The following NREP variants were observed in gnomAD, a reference collection of about 807,000 sequenced individuals.
NREP encodes neuronal regeneration related protein.
Under a neutral mutation model 8.6 loss-of-function variants are expected in NREP, and 5 were observed. The ratio of observed to expected loss-of-function variants is 0.58; its 90% CI spans 0.30 to 1.22. NREP has a LOEUF of 1.22. NREP is among the 50% of genes most tolerant of loss of function. The probability of loss-of-function intolerance (pLI) is 0.07; values close to 1 mark genes in which losing one functional copy is unlikely to be tolerated. For missense variants in NREP, 86 were observed against 82.5 expected (o/e 1.04, Z -0.17); for synonymous variants, 27 against 28.0 (o/e 0.96, Z 0.11).
At chr5:111,898,008 A>G (rs1310250270) in intron 2 of NREP, among the ~76,000 whole-genome samples, 4 of 152,168 alleles carry the variant, frequency 2.6e-5, no homozygotes, top group Non-Finnish European at 5.9e-5. Context: ...AACTTCAACT[A>G]CATCTTGTAA....
intron 2 of NREP, among the ~76,000 whole-genome samples, chr5:111,797,903 G>C (rs1751909859): frequency 6.6e-6 from 1 of 152,096 alleles, no homozygotes; most frequent in Middle Eastern, 3.2e-3. Flanking sequence ...GGTAAGGGGA[G>C]AACAAAGAAA....
intron 2 of NREP, among the ~76,000 whole-genome samples, chr5:111,972,113 T>G (rs1252364762): frequency 6.6e-6 from 1 of 152,076 alleles, no homozygotes; most frequent in African/African-American, 2.4e-5. Context: ...GACATACAAA[T>G]AGCCAGCAGG....
chr5:111,936,134 C>T (rs1290930191), intron 2 of NREP, among the ~76,000 whole-genome samples: 1 of 152,036 alleles, frequency 6.6e-6, no homozygotes, highest in Non-Finnish European at 1.5e-5. Flanking sequence ...AGACATCAAT[C>T]CTATCCGATT....
intron 2 of NREP, among the ~76,000 whole-genome samples, chr5:111,877,942 C>T (rs753860699): frequency 6.6e-6 from 1 of 152,184 alleles, no homozygotes; most frequent in Non-Finnish European, 1.5e-5. Context: ...AGAGGGACAA[C>T]TGAGAGGACA....
intron 2 of NREP, among the ~76,000 whole-genome samples, chr5:111,973,252 T>A (rs1288645534): frequency 1.6e-5 from 1 of 63,644 alleles, no homozygotes; most frequent in Non-Finnish European, 3.2e-5. Flanking sequence ...ATAGCAAATT[T>A]GCTACCCCCT....
At chr5:111,733,957 A>C (rs1748860952) in intron 3 of NREP, 1 of 152,228 alleles carries the variant, frequency 6.6e-6, no homozygotes. Flanking sequence ...GAACTTCTGG[A>C]AAAAGAACAA....
chr5:111,924,802 GC>G (rs1437543231), intron 2 of NREP, among the ~76,000 whole-genome samples: 6 of 152,104 alleles, frequency 3.9e-5, no homozygotes, highest in African/African-American at 1.4e-4. Context: ...AGCAGTTATA[GC>G]CTGGCCAATT....
At chr5:111,960,149 A>C (rs2112651315) in intron 2 of NREP, among the ~76,000 whole-genome samples, 1 of 152,264 alleles carries the variant, frequency 6.6e-6, no homozygotes, top group African/African-American at 2.4e-5. Context: ...AATTATGTTG[A>C]TTCTTAACAC....
intron 2 of NREP, among the ~76,000 whole-genome samples, chr5:111,750,205 C>G (rs1340478169): frequency 1.3e-5 from 2 of 152,168 alleles, no homozygotes; most frequent in African/African-American, 4.8e-5. Context: ...CTCTTGCAAG[C>G]CTAACTCTCT....
intron 2 of NREP, among the ~76,000 whole-genome samples, chr5:111,892,718 C>A (rs968610668): frequency 1.8e-4 from 27 of 152,080 alleles, no homozygotes; most frequent in African/African-American, 6.5e-4. Context: ...AAAAGAGTGA[C>A]TTTCTCTTCT....
At chr5:111,740,523 G>A (rs1581051267) in intron 2 of NREP, among the ~76,000 whole-genome samples, 1 of 151,820 alleles carries the variant, frequency 6.6e-6, no homozygotes, top group African/African-American at 2.4e-5. Context: ...AAAAATAACT[G>A]CATTTTTAAA....
chr5:111,972,300 G>C (rs147478903), intron 2 of NREP, among the ~76,000 whole-genome samples: 2,080 of 152,210 alleles, frequency 0.014, 42 homozygotes, highest in African/African-American at 0.047. Flanking sequence ...AATGTGGTTG[G>C]TACAGTCATT....
rs551342525 is a variant in NREP, at chr5:111,885,543, G to T, written c.135+89731C>A. Among the ~76,000 whole-genome samples the T allele has an allele frequency of 3.3e-5, 5 of 152,272 alleles. No individual in the cohort carries two copies. In the South Asian group the frequency reaches 1.0e-3, roughly 32 times the overall value. On this transcript the variant is annotated intron_variant, in intron 2 of 3. Coordinates refer to the NREP transcript ENST00000395634. Reference sequence around the variant, plus strand: ...GTCCTAAGCCAAAAGAACAAAGCTGGAGGCATCACGCTACCTGACTTCAAA... The same window carrying T: ...GTCCTAAGCCAAAAGAACAAAGCTGTAGGCATCACGCTACCTGACTTCAAA...
intron 2 of NREP, among the ~76,000 whole-genome samples, chr5:111,960,463 T>A (rs1346469171): frequency 6.6e-6 from 1 of 152,186 alleles, no homozygotes; most frequent in Non-Finnish European, 1.5e-5. Context: ...GTGCCATTGT[T>A]AACAAGGGCA....
At chr5:111,757,642 C>T (rs2112857854), upstream of NREP, 1 of 983,244 alleles carries the variant, frequency 1.0e-6, no homozygotes, top group Non-Finnish European at 1.2e-6. Flanking sequence ...ACCCGCGCCC[C>T]GGGCGCCCCG....
chr5:111,924,796 G>T (rs1561349366), intron 2 of NREP, among the ~76,000 whole-genome samples: 1 of 152,094 alleles, frequency 6.6e-6, no homozygotes, highest in Admixed American at 6.6e-5. Context: ...CAGTATAGCA[G>T]TTATAGCCTG....
intron 2 of NREP, among the ~76,000 whole-genome samples, chr5:111,871,137 G>C (rs569441311): frequency 6.6e-6 from 1 of 150,384 alleles, no homozygotes; most frequent in South Asian, 2.1e-4. Flanking sequence ...GGCGTGTTAG[G>C]CAACTTCATC....
At chr5:111,733,241 C>T (rs1581025535) in intron 3 of NREP, 1 of 152,154 alleles carries the variant, frequency 6.6e-6, no homozygotes, top group East Asian at 1.9e-4. Flanking sequence ...GAAACAGTAA[C>T]AGTCCCTGCC....
chr5:111,936,838 C>T (rs552136878), intron 2 of NREP, among the ~76,000 whole-genome samples: 2 of 152,224 alleles, frequency 1.3e-5, no homozygotes, highest in East Asian at 3.9e-4. Context: ...TGCCTACTTT[C>T]TGAGTGGGCA....
Sources: gnomAD v4.1 joint callset for allele counts (sites outside exome capture counted in the v4.1 genomes callset) on GRCh38, gnomAD v4.1.1 for gene constraint, MANE v1.5 for transcripts, NCBI Gene and HGNC (gene_info 2026-07-23, HGNC 2026-07-21) for gene names.